IGSF21: variants seen among roughly 807,000 people sequenced by gnomAD.
The protein encoded by IGSF21 is immunoglobin superfamily member 21, also known as immunoglobulin superfamily member 21.
IGSF21 carries 28 observed loss-of-function variants against 46.8 expected under a neutral mutation model. That is an observed-to-expected ratio of 0.60 (90% CI 0.44 to 0.82). IGSF21 has a LOEUF of 0.82. Ranked by LOEUF, IGSF21 falls within the 40% of genes least tolerant of loss-of-function variation. The pLI, the probability that IGSF21 is intolerant of heterozygous loss-of-function variation, is 0.00. For synonymous variants in IGSF21, 284 were observed against 273.6 expected, an observed-to-expected ratio of 1.04 and a Z score of -0.38; for missense variants, 624 against 665.5, an observed-to-expected ratio of 0.94 and a Z score of 0.69.
chr1:18,133,835 G>A lies in IGSF21; in HGVS notation c.70+25637G>A, dbSNP rs116431763. Among the ~76,000 whole-genome samples, 622 of 152,344 alleles carry A rather than the reference G, an allele frequency of 4.1e-3. 2 individuals carry two copies. Among genetic ancestry groups the A allele is most frequent in the African/African-American group, 0.014 (592 of 41,574 alleles). ...TTGGTCACTGCAGGCACGTTGTAGG[G>A]GCTCGTGAATATTTACTTGTGGATG... On this transcript the variant is annotated intron_variant, in intron 1 of 9. Transcript: ENST00000251296.
intron 1 of IGSF21, among the ~76,000 whole-genome samples, chr1:18,142,058 A>T (rs2086419779): frequency 6.6e-6 from 1 of 152,184 alleles, no homozygotes; most frequent in Non-Finnish European, 1.5e-5. Flanking sequence ...CAACAGAGTG[A>T]TACTGTCGCA....
intron 4 of IGSF21, among the ~76,000 whole-genome samples, chr1:18,338,586 C>T (rs1436401811): frequency 6.6e-6 from 1 of 152,130 alleles, no homozygotes; most frequent in Non-Finnish European, 1.5e-5. Flanking sequence ...AAGCCCAGCA[C>T]CCCAGTCTAC....
intron 3 of IGSF21, among the ~76,000 whole-genome samples, chr1:18,328,779 T>C (rs1410312803): frequency 1.3e-5 from 2 of 152,144 alleles, no homozygotes; most frequent in African/African-American, 2.4e-5. Context: ...TCCTGTGTCC[T>C]CACAGCTCCA....
intron 6 of IGSF21, among the ~76,000 whole-genome samples, chr1:18,369,247 C>G (rs553155261): frequency 6.6e-6 from 1 of 152,296 alleles, no homozygotes; most frequent in Non-Finnish European, 1.5e-5. Flanking sequence ...GTCTCTGAGT[C>G]TCAGTTTTCT....
At chr1:18,255,461 G>A (rs1314924437) in intron 2 of IGSF21, among the ~76,000 whole-genome samples, 1 of 152,050 alleles carries the variant, frequency 6.6e-6, no homozygotes, top group African/African-American at 2.4e-5. Flanking sequence ...ACAAAATAAA[G>A]GCTCAAATCC....
intron 4 of IGSF21, among the ~76,000 whole-genome samples, chr1:18,359,363 AAAG>A (rs2086062045): frequency 2.2e-5 from 2 of 90,048 alleles, no homozygotes; most frequent in Admixed American, 1.2e-4. Context: ...AGAAAGAAAG[AAAG>A]AAAGAAAGAA....
intron 3 of IGSF21, among the ~76,000 whole-genome samples, chr1:18,321,153 T>C (rs1307462116): frequency 1.3e-5 from 2 of 152,218 alleles, no homozygotes; most frequent in African/African-American, 4.8e-5. Flanking sequence ...TGATGCATTC[T>C]TGCTGGAGTT....
chr1:18,254,329 C>T (rs552744784), intron 2 of IGSF21, among the ~76,000 whole-genome samples: 2 of 151,838 alleles, frequency 1.3e-5, no homozygotes, highest in South Asian at 4.2e-4. Context: ...TGGATCTAGA[C>T]CTCTATCTGA....
intron 1 of IGSF21, among the ~76,000 whole-genome samples, chr1:18,222,586 A>G (rs2084521195): frequency 6.6e-6 from 1 of 152,312 alleles, no homozygotes; most frequent in South Asian, 2.1e-4. Flanking sequence ...TCCACATTAC[A>G]CATGGGGAAA....
At chr1:18,343,776 CT>C (rs2124614406) in intron 4 of IGSF21, among the ~76,000 whole-genome samples, 1 of 152,326 alleles carries the variant, frequency 6.6e-6, no homozygotes, top group East Asian at 1.9e-4. Flanking sequence ...TATTTCCAGA[CT>C]CTCCATTCTG....
At chr1:18,208,261 T>C (rs57777394) in intron 1 of IGSF21, among the ~76,000 whole-genome samples, 16,074 of 150,478 alleles carry the variant, frequency 0.11, 959 homozygotes, top group South Asian at 0.19. Flanking sequence ...CAGAGCAGAA[T>C]TCAGTTCCCC....
chr1:18,291,567 G>A (rs1274970801), intron 2 of IGSF21, among the ~76,000 whole-genome samples: 1 of 152,166 alleles, frequency 6.6e-6, no homozygotes, highest in Non-Finnish European at 1.5e-5. Flanking sequence ...TTCTTCTCCA[G>A]GTGCTGTGAA....
chr1:18,145,818 T>C (rs61766499), intron 1 of IGSF21, among the ~76,000 whole-genome samples: 30,214 of 152,150 alleles, frequency 0.2, 3,506 homozygotes, highest in Middle Eastern at 0.33. Flanking sequence ...TGGGCTCCCC[T>C]GCCAAGGTCG....
At chr1:18,108,620 C>T in intron 1 of IGSF21, among the ~76,000 whole-genome samples, 1 of 150,584 alleles carries the variant, frequency 6.6e-6, no homozygotes, top group East Asian at 2.0e-4. Flanking sequence ...AGAGTGTGAG[C>T]GAATGTTGGG....
intron 3 of IGSF21, among the ~76,000 whole-genome samples, chr1:18,321,586 C>A (rs2085601766): frequency 6.6e-6 from 1 of 152,182 alleles, no homozygotes. Flanking sequence ...GCTGGGGGCC[C>A]ACTACTTGGC....
At chr1:18,141,289 GACT>G (rs1252764524) in intron 1 of IGSF21, among the ~76,000 whole-genome samples, 2 of 152,164 alleles carry the variant, frequency 1.3e-5, no homozygotes, top group African/African-American at 4.8e-5. Context: ...TTATTATAAT[GACT>G]ACTGTCATTA....
At chr1:18,312,949 T>C (rs539880151) in intron 3 of IGSF21, among the ~76,000 whole-genome samples, 30 of 152,338 alleles carry the variant, frequency 2.0e-4, no homozygotes, top group African/African-American at 5.8e-4. Context: ...TTCTTCTTTC[T>C]TTCTGTGTCT....
chr1:18,122,380 A>G (rs2086242752), intron 1 of IGSF21, among the ~76,000 whole-genome samples: 1 of 151,340 alleles, frequency 6.6e-6, no homozygotes, highest in Admixed American at 6.6e-5. Flanking sequence ...TCATAGAGAC[A>G]GGGTTTTGCC....
chr1:18,228,837 C>T (rs780284507), intron 2 of IGSF21, among the ~76,000 whole-genome samples: 10 of 152,136 alleles, frequency 6.6e-5, no homozygotes, highest in Non-Finnish European at 1.3e-4. Context: ...CTCCTGTCTG[C>T]CAAACATTCA....
Sources: gnomAD v4.1 joint callset for allele counts (sites outside exome capture counted in the v4.1 genomes callset) on GRCh38, gnomAD v4.1.1 for gene constraint, MANE v1.5 for transcripts, NCBI Gene and HGNC (gene_info 2026-07-23, HGNC 2026-07-21) for gene names.